The following STX2 variants were observed in gnomAD, a reference collection of about 807,000 sequenced individuals.
STX2 encodes the protein syntaxin 2, also known as syntaxin-2.
STX2 carries 27 observed loss-of-function variants against 40.6 expected under a neutral mutation model. The ratio of observed to expected loss-of-function variants is 0.66; its 90% CI spans 0.49 to 0.92. The LOEUF is 0.92. Among genes scored for constraint, STX2 ranks in the 40% least tolerant of loss-of-function variants. The pLI is 0.00. For missense variants in STX2, 328 were observed against 366.1 expected (o/e 0.90, Z 0.85); for synonymous variants, 123 against 119.1 (o/e 1.03, Z -0.22).
intron 9 of STX2, among the ~76,000 whole-genome samples, chr12:130,797,186 C>T (rs1239352797): frequency 6.6e-6 from 1 of 152,202 alleles, no homozygotes; most frequent in African/African-American, 2.4e-5. Context: ...CGTATCACAC[C>T]CACCACCTTC....
chr12:130,824,743 CTATGTGATATTGAAGA>C (rs1476977282), intron 2 of STX2, among the ~76,000 whole-genome samples: 1 of 152,156 alleles, frequency 6.6e-6, no homozygotes, highest in Non-Finnish European at 1.5e-5. Flanking sequence ...TTGCAAACTT[CTATGTGATATTGAAGA>C]TCAGAATGAG....
At chr12:130,795,288 A>G (rs1330473017) in intron 10 of STX2, among the ~76,000 whole-genome samples, 8 of 152,212 alleles carry the variant, frequency 5.3e-5, no homozygotes. Context: ...TAGTAAAATG[A>G]TGCGTTAGTG....
chr12:130,800,582 C>T (rs1348438671), intron 8 of STX2, among the ~76,000 whole-genome samples: 2 of 152,244 alleles, frequency 1.3e-5, no homozygotes, highest in South Asian at 4.1e-4. Context: ...ATTGTATCCC[C>T]ACTTGGGGTT....
intron 10 of STX2, among the ~76,000 whole-genome samples, chr12:130,794,684 T>TC (rs1475713466): frequency 6.6e-6 from 1 of 152,138 alleles, no homozygotes; most frequent in Admixed American, 6.5e-5. Flanking sequence ...TTTTTTTTTT[T>TC]CTGTAGAGAC....
chr12:130,827,915 A>G (rs1226627014), intron 1 of STX2, among the ~76,000 whole-genome samples: 1 of 152,198 alleles, frequency 6.6e-6, no homozygotes, highest in African/African-American at 2.4e-5. Flanking sequence ...TGAACCTGGC[A>G]GGTTGGGGCT....
At chr12:130,805,793 C>T (rs890465816) in intron 6 of STX2, among the ~76,000 whole-genome samples, 1 of 152,206 alleles carries the variant, frequency 6.6e-6, no homozygotes, top group Non-Finnish European at 1.5e-5. Context: ...AAATACTCAG[C>T]ACCCAACAAA....
In STX2 at chr12:130,838,689, C is replaced by CTCCGGCTGGGTAAGCGCCAGATTGTA. The variant is rs1258129329; in HGVS notation, c.30+380_30+381insTACAATCTGGCGCTTACCCAGCCGGA. Reference sequence around the variant, plus strand: ...GGCGGACCACAGTTAGGCCAGTGGGCTCCGGCTGGGTAAGCGCCAGATACA... The same window carrying CTCCGGCTGGGTAAGCGCCAGATTGTA: ...GGCGGACCACAGTTAGGCCAGTGGGCTCCGGCTGGGTAAGCGCCAGATTGTATCCGGCTGGGTAAGCGCCAGATACA... On this transcript the variant is annotated intron_variant, in intron 1 of 10. Transcript: ENST00000392373. Among the ~76,000 whole-genome samples the CTCCGGCTGGGTAAGCGCCAGATTGTA allele has an allele frequency of 3.3e-5, 5 of 152,342 alleles. No homozygotes were observed. The South Asian group carries it at 6.2e-4, about 19-fold the overall frequency.
chr12:130,823,808 T>C (rs533313708), intron 2 of STX2, among the ~76,000 whole-genome samples: 8 of 152,308 alleles, frequency 5.3e-5, no homozygotes, highest in Admixed American at 3.3e-4. Flanking sequence ...CTGTGAAAAA[T>C]AGATCTCCAA....
At chr12:130,834,897 ATCT>A (rs1235564843) in intron 1 of STX2, among the ~76,000 whole-genome samples, 6 of 152,260 alleles carry the variant, frequency 3.9e-5, no homozygotes, top group Non-Finnish European at 5.9e-5. Flanking sequence ...TGGAACCTGC[ATCT>A]TCACTATACA....
chr12:130,820,557 T>G (rs1952072374), intron 3 of STX2, among the ~76,000 whole-genome samples: 1 of 151,770 alleles, frequency 6.6e-6, no homozygotes, highest in Non-Finnish European at 1.5e-5. Flanking sequence ...TCTCAGCTAC[T>G]CAGGAGGCCA....
At chr12:130,836,417 T>G (rs536898646) in intron 1 of STX2, among the ~76,000 whole-genome samples, 10 of 151,992 alleles carry the variant, frequency 6.6e-5, no homozygotes, top group African/African-American at 2.4e-4. Flanking sequence ...ACCACAGGCA[T>G]GCACCACTAC....
At chr12:130,816,647 A>G (rs1284429880) in intron 3 of STX2, among the ~76,000 whole-genome samples, 1 of 152,232 alleles carries the variant, frequency 6.6e-6, no homozygotes, top group Non-Finnish European at 1.5e-5. Context: ...GTGTAAAGCC[A>G]TTAGAAACCT....
At chr12:130,795,772 A>G (rs1201589693) in intron 10 of STX2, among the ~76,000 whole-genome samples, 1 of 152,024 alleles carries the variant, frequency 6.6e-6, no homozygotes, top group Non-Finnish European at 1.5e-5. Context: ...TAAGAAGGTG[A>G]CCTTGGTTTA....
intron 3 of STX2, among the ~76,000 whole-genome samples, chr12:130,820,390 G>C (rs1565927094): frequency 6.6e-6 from 1 of 152,172 alleles, no homozygotes; most frequent in African/African-American, 2.4e-5. Context: ...GATACGGCTG[G>C]GCACGGTGGC....
chr12:130,819,631 C>CA (rs201888431), intron 3 of STX2, among the ~76,000 whole-genome samples: 37 of 150,902 alleles, frequency 2.5e-4, no homozygotes, highest in African/African-American at 5.8e-4. Flanking sequence ...GTAAATTATT[C>CA]AAAAAAAAAT....
intron 3 of STX2, 50 bp from the exon 4 acceptor site, chr12:130,813,081 A>T (rs755111450): frequency 8.1e-6 from 9 of 1,108,922 alleles, no homozygotes; most frequent in Middle Eastern, 6.3e-4. Context: ...GAGCTATAAT[A>T]TCCAACATAA....
At chr12:130,834,020 G>A (rs1952670668) in intron 1 of STX2, among the ~76,000 whole-genome samples, 2 of 152,158 alleles carry the variant, frequency 1.3e-5, no homozygotes, top group African/African-American at 4.8e-5. Flanking sequence ...AAGACAAGAT[G>A]GGCCATCTGT....
chr12:130,813,071 G>A (rs1228963616), intron 3 of STX2, 40 bp from the exon 4 acceptor site: 2 of 1,190,306 alleles, frequency 1.7e-6, no homozygotes, highest in Middle Eastern at 3.0e-4. Flanking sequence ...TACAGCATCT[G>A]AGCTATAATA....
chr12:130,799,301 G>A (rs921977540), intron 8 of STX2, among the ~76,000 whole-genome samples: 4 of 152,184 alleles, frequency 2.6e-5, no homozygotes, highest in African/African-American at 9.7e-5. Context: ...CATTAGATGA[G>A]TCAATATAAT....
Sources: allele counts gnomAD v4.1 joint callset (sites outside exome capture counted in the v4.1 genomes callset), GRCh38; gene constraint gnomAD v4.1.1; transcripts MANE v1.5; gene names NCBI Gene and HGNC (gene_info 2026-07-23, HGNC 2026-07-21).